CYP3A43: variants seen among roughly 807,000 people sequenced by gnomAD.
The protein encoded by CYP3A43 is cytochrome P450 family 3 subfamily A member 43.
CYP3A43 carries 45 observed loss-of-function variants against 58.0 expected under a neutral mutation model. That is an observed-to-expected ratio of 0.78 (90% CI 0.61 to 0.99). CYP3A43 has a LOEUF of 0.99. Ranked by LOEUF, CYP3A43 falls within the 50% of genes least tolerant of loss-of-function variation. The pLI is 0.00. For synonymous variants in CYP3A43, 191 were observed against 201.4 expected, an observed-to-expected ratio of 0.95 and a Z score of 0.44; for missense variants, 593 against 591.9, an observed-to-expected ratio of 1.00 and a Z score of -0.02.
chr7:99,839,543 C>T, intron 3 of CYP3A43: 1 of 433,840 alleles, frequency 2.3e-6, no homozygotes, highest in Non-Finnish European at 4.4e-6. Context: ...ACATAAGCCA[C>T]ATTCCCACAA....
At chr7:99,855,796 C>T (rs1023013183) in intron 8 of CYP3A43, 78 bp downstream of exon 8, 2 of 1,459,940 alleles carry the variant, frequency 1.4e-6, no homozygotes, top group South Asian at 2.6e-5. Context: ...GATTTGTGCA[C>T]TTATCTGTGT....
intron 2 of CYP3A43, 103 bp downstream of exon 2, chr7:99,836,649 T>C (rs553962084): frequency 6.0e-6 from 5 of 829,660 alleles, no homozygotes; most frequent in Non-Finnish European, 9.4e-6. Flanking sequence ...TCCAATGTTT[T>C]ACACTTTCAG....
intron 2 of CYP3A43, among the ~76,000 whole-genome samples, chr7:99,838,202 CTTA>C (rs1435347237): frequency 1.3e-5 from 2 of 152,190 alleles, no homozygotes; most frequent in African/African-American, 4.8e-5. Context: ...ATTTCCCACA[CTTA>C]TTATGTGTTA....
At chr7:99,865,841 A>T in intron 12 of CYP3A43, 65 bp from the exon 13 acceptor site, 1 of 1,204,344 alleles carries the variant, frequency 8.3e-7, no homozygotes, top group Admixed American at 2.4e-5. Flanking sequence ...CATCTTTTTT[A>T]TTTTGCTTCT....
chr7:99,855,413 C>A, intron 7 of CYP3A43, 178 bp from the exon 8 acceptor site: 1 of 707,458 alleles, frequency 1.4e-6, no homozygotes, highest in Non-Finnish European at 2.2e-6. Flanking sequence ...TCTTGCTCAG[C>A]CATTGGCATG....
intron 4 of CYP3A43, among the ~76,000 whole-genome samples, chr7:99,846,240 T>C (rs1221579866): frequency 6.6e-6 from 1 of 152,244 alleles, no homozygotes; most frequent in African/African-American, 2.4e-5. Flanking sequence ...TCCCTCTCCA[T>C]TTCTTTAGGT....
chr7:99,860,537 C>T (rs1818187273), intron 10 of CYP3A43, among the ~76,000 whole-genome samples: 1 of 152,212 alleles, frequency 6.6e-6, no homozygotes. Flanking sequence ...CAAATGCTAG[C>T]CACGTATTAC....
intron 3 of CYP3A43, among the ~76,000 whole-genome samples, chr7:99,841,579 G>A (rs1415415871): frequency 6.6e-6 from 1 of 152,056 alleles, no homozygotes; most frequent in African/African-American, 2.4e-5. Flanking sequence ...TGTATTTTTA[G>A]TAGAGACAGG....
chr7:99,855,548 C>T (rs760416191), intron 7 of CYP3A43, 43 bp from the exon 8 acceptor site: 2 of 1,565,284 alleles, frequency 1.3e-6, no homozygotes, highest in Non-Finnish European at 1.7e-6. Context: ...TCACATTTTT[C>T]ACTATGATTT....
chr7:99,859,003 A>C (rs1051023637), intron 9 of CYP3A43, among the ~76,000 whole-genome samples: 4 of 151,950 alleles, frequency 2.6e-5, no homozygotes, highest in African/African-American at 9.7e-5. Flanking sequence ...AGCCTGTTTT[A>C]TTAAAACCAC....
chr7:99,835,127 C>T (rs1285407894), intron 1 of CYP3A43, among the ~76,000 whole-genome samples: 1 of 152,188 alleles, frequency 6.6e-6, no homozygotes, highest in African/African-American at 2.4e-5. Context: ...CTAAGGCCTG[C>T]TCCTTGCCTA....
In CYP3A43 at chr7:99,838,945, A is replaced by C. The variant is rs565393621; in HGVS notation, c.166-175A>C. The C allele has an allele frequency of 5.5e-6, 4 of 726,770 alleles. No individual in the cohort carries two copies. The African/African-American group carries it at 7.1e-5, about 13-fold the overall frequency. The allele number at this position is 726,770 out of a possible 1,614,324, so 45.0% of individuals were successfully genotyped here. A position where few individuals can be genotyped will look rare whatever the true frequency, so the allele number is the denominator to read the frequency against. Reference sequence around the variant, plus strand: ...CAATGAGCCAAGATCGCACCATTGCACTCCAGCCTGGGCAGCAGAAAAAAA... The same window carrying C: ...CAATGAGCCAAGATCGCACCATTGCCCTCCAGCCTGGGCAGCAGAAAAAAA... On this transcript the variant is annotated intron_variant, in intron 2 of 12. Coordinates refer to ENST00000354829, the MANE Select transcript of CYP3A43 (RefSeq NM_057095.3).
intron 3 of CYP3A43, chr7:99,839,487 C>A: frequency 1.8e-6 from 1 of 545,712 alleles, no homozygotes; most frequent in Non-Finnish European, 3.5e-6. Flanking sequence ...TCCTTTTTTC[C>A]CCAGACAGAT....
chr7:99,845,161 G>A (rs191983405), intron 4 of CYP3A43, among the ~76,000 whole-genome samples: 15 of 151,920 alleles, frequency 9.9e-5, no homozygotes, highest in Non-Finnish European at 2.2e-4. Flanking sequence ...TTTTGCATAA[G>A]ATGTAAAGTT....
chr7:99,844,177 A>G lies in CYP3A43; in HGVS notation c.253A>G (p.Met85Val), dbSNP rs1584213581. ...YEGQQPMLVI[M>V]DPDMIKTVLV... ...GGGGCAACAGCCCATGCTGGTCATC[A>G]TGGATCCCGACATGATCAAAACAGT... The change falls in exon 4 of 13, where the codon ATG becomes GTG. Residue 85 changes from methionine (M) to valine (V), a missense_variant. Met to Val is a conservative substitution (Grantham distance 21). Coordinates refer to ENST00000354829, the MANE Select transcript of CYP3A43 (RefSeq NM_057095.3). The G allele has an allele frequency of 6.2e-7, 1 of 1,613,980 alleles. No individual in the cohort carries two copies. Among genetic ancestry groups the G allele is most frequent in the East Asian group, 2.2e-5 (1 of 44,858 alleles).
Position 99,860,388 on chromosome 7 carries a change from A to G in CYP3A43, c.1026+398A>G, listed in dbSNP as rs561041323. Among the ~76,000 whole-genome samples the G allele has an allele frequency of 3.9e-5, 6 of 152,278 alleles. No homozygotes were observed. In the South Asian group the frequency reaches 1.2e-3, roughly 32 times the overall value. On this transcript the variant is annotated intron_variant, in intron 10 of 12. Coordinates refer to ENST00000354829, the MANE Select transcript of CYP3A43 (RefSeq NM_057095.3). ...GAACCTGGCCCTGGGTGCGCTGGGC[A>G]GGCTGACTCAGCTCTGCCTCACACC...
chr7:99,861,762 A>G lies in CYP3A43; in HGVS notation c.1176A>G (p.Leu392=). 6.2e-7 allele frequency: 1 copy of G among 1,614,202 alleles called. No individual in the cohort carries two copies. Among genetic ancestry groups the G allele is most frequent in the East Asian group, 2.2e-5 (1 of 44,882 alleles). ...EINGVFIPKG[L]AVMVPIYALH... is the part of the protein sequence containing the mutation. Reference sequence around the variant, plus strand: ...ATGGAGTGTTCATTCCCAAAGGGTTAGCAGTGATGGTTCCAATCTATGCTC... The same window carrying G: ...ATGGAGTGTTCATTCCCAAAGGGTTGGCAGTGATGGTTCCAATCTATGCTC... The change falls in exon 11 of 13, where the codon TTA becomes TTG. Residue 392 remains leucine, a synonymous_variant. Transcript: ENST00000354829.
At chr7:99,841,633 G>A (rs918673290) in intron 3 of CYP3A43, among the ~76,000 whole-genome samples, 8 of 152,216 alleles carry the variant, frequency 5.3e-5, no homozygotes, top group South Asian at 2.1e-4. Context: ...CTGACCTCAG[G>A]TGATCTGCCC....
intron 10 of CYP3A43, among the ~76,000 whole-genome samples, chr7:99,861,019 G>A (rs911718333): frequency 2.0e-5 from 3 of 151,936 alleles, no homozygotes; most frequent in Admixed American, 6.6e-5. Flanking sequence ...GATTACAGGC[G>A]TGCGCTACTA....
Sources: allele counts gnomAD v4.1 joint callset (sites outside exome capture counted in the v4.1 genomes callset), GRCh38; gene constraint gnomAD v4.1.1; transcripts MANE v1.5; gene names NCBI Gene and HGNC (gene_info 2026-07-23, HGNC 2026-07-21).